Variants in ABCA13 observed in about 807,000 individuals in gnomAD.
ABCA13 encodes ATP-binding cassette sub-family A member 13.
A neutral mutation model predicts 478.7 loss-of-function variants in ABCA13; 476 were observed. That is an observed-to-expected ratio of 0.99 (90% CI 0.92 to 1.07). The LOEUF is 1.07. Ranked by LOEUF, ABCA13 falls within the 50% of genes least tolerant of loss-of-function variation. The probability of loss-of-function intolerance (pLI) is 0.00; values close to 1 mark genes in which losing one functional copy is unlikely to be tolerated. For synonymous variants in ABCA13, 2,252 were observed against 2,158.9 expected (o/e 1.04, Z -1.20); for missense variants, 6,060 against 5,910.6 (o/e 1.03, Z -0.83).
chr7:48,308,954 C>G (rs529591336), intron 23 of ABCA13, among the ~76,000 whole-genome samples: 2 of 144,928 alleles, frequency 1.4e-5, no homozygotes, highest in Non-Finnish European at 3.0e-5. Context: ...TAAGTGCACA[C>G]TATGATGTTC....
At chr7:48,623,644 T>C (rs1352453620) in intron 59 of ABCA13, among the ~76,000 whole-genome samples, 1 of 152,172 alleles carries the variant, frequency 6.6e-6, no homozygotes, top group African/African-American at 2.4e-5. Flanking sequence ...AATATATATA[T>C]GTTCTAGGCA....
chr7:48,233,872 G>A, intron 7 of ABCA13, 146 bp from the exon 8 acceptor site: 1 of 845,180 alleles, frequency 1.2e-6, no homozygotes, highest in Non-Finnish European at 1.8e-6. Flanking sequence ...TATTCTGTTT[G>A]CTTTTTCTAT....
At chr7:48,298,532 C>A (rs1272447195) in intron 23 of ABCA13, 45 bp downstream of exon 23, 3 of 1,589,376 alleles carry the variant, frequency 1.9e-6, no homozygotes, top group South Asian at 1.2e-5. Flanking sequence ...ATGGAAGGAG[C>A]CTTAGCCTGA....
chr7:48,510,142 C>A (rs1189744287), intron 50 of ABCA13, among the ~76,000 whole-genome samples: 1 of 151,320 alleles, frequency 6.6e-6, no homozygotes, highest in Admixed American at 6.6e-5. Context: ...AGCAGAAAAA[C>A]TAGTAAACAA....
chr7:48,379,540 C>T lies in ABCA13; in HGVS notation c.11335+2968C>T, dbSNP rs144588685. 1.7e-3 allele frequency among the ~76,000 whole-genome samples: 258 copies of T among 151,110 alleles called. 3 individuals are homozygous for T. The East Asian group carries it at 0.04, about 24-fold the overall frequency. On this transcript the variant is annotated intron_variant, in intron 35 of 61. Transcript: ENST00000435803. ...TCTCGGTGCTCAGGCATGAATGCAT[C>T]GGAACACAGAATGAGATATTCAGTT...
At chr7:48,557,393 G>T (rs1307521383) in intron 55 of ABCA13, among the ~76,000 whole-genome samples, 1 of 152,102 alleles carries the variant, frequency 6.6e-6, no homozygotes, top group Non-Finnish European at 1.5e-5. Flanking sequence ...TGTTATTGAT[G>T]AAATCATTCG....
chr7:48,259,730 T>G (rs76278731), intron 15 of ABCA13, among the ~76,000 whole-genome samples: 4 of 147,208 alleles, frequency 2.7e-5, no homozygotes, highest in Non-Finnish European at 6.0e-5. Flanking sequence ...GTTTTTTTTT[T>G]GTGGCGCCCA....
chr7:48,296,951 C>T (rs1306096426), intron 21 of ABCA13, among the ~76,000 whole-genome samples: 1 of 152,170 alleles, frequency 6.6e-6, no homozygotes, highest in Admixed American at 6.5e-5. Context: ...CTATTCTCTT[C>T]ACAGTTGTGA....
At chr7:48,611,807 T>A (rs1288982398) in intron 58 of ABCA13, 1 of 152,218 alleles carries the variant, frequency 6.6e-6, no homozygotes, top group Non-Finnish European at 1.5e-5. Context: ...GAACTATGTT[T>A]AAGAAACTAA....
At chr7:48,510,370 G>A (rs1831566564) in intron 50 of ABCA13, among the ~76,000 whole-genome samples, 1 of 152,184 alleles carries the variant, frequency 6.6e-6, no homozygotes, top group African/African-American at 2.4e-5. Flanking sequence ...AACCAGGCGT[G>A]TGAGAGCCTG....
At chr7:48,334,584 C>T (rs1805941294) in intron 27 of ABCA13, among the ~76,000 whole-genome samples, 1 of 152,246 alleles carries the variant, frequency 6.6e-6, no homozygotes, top group African/African-American at 2.4e-5. Flanking sequence ...AGCCACCCGC[C>T]TTGGCCTCCC....
At position 48,611,328 on chromosome 7, in the gene ABCA13, G is replaced by A. The variant is rs928322620; in HGVS notation, c.14745-3957G>A. ...CCCTTATTTTCCCATCTTCTCCTGA[G>A]CCCTCCAAACTGTTCCAACCTCTGC... On this transcript the variant is annotated intron_variant, in intron 58 of 61. Transcript: ENST00000435803. Among the ~76,000 whole-genome samples the A allele has an allele frequency of 7.2e-5, 11 of 152,238 alleles. No homozygotes were observed. The South Asian group carries it at 2.1e-3, about 29-fold the overall frequency.
chr7:48,294,447 GT>G (rs1321103452), intron 20 of ABCA13, among the ~76,000 whole-genome samples: 15 of 134,230 alleles, frequency 1.1e-4, no homozygotes, highest in Non-Finnish European at 1.6e-4. Context: ...TTTTTGTTTT[GT>G]TTTTTTTTTG....
At chr7:48,176,346 A>C (rs956138350) in intron 1 of ABCA13, among the ~76,000 whole-genome samples, 2 of 151,862 alleles carry the variant, frequency 1.3e-5, no homozygotes, top group African/African-American at 4.8e-5. Flanking sequence ...GTTTTAAAAA[A>C]CTCATGGTTC....
At chr7:48,524,146 T>C in intron 53 of ABCA13, 102 bp from the exon 54 acceptor site, 1 of 1,097,536 alleles carries the variant, frequency 9.1e-7, no homozygotes. Flanking sequence ...AGTCCGAAGG[T>C]GATATCTTCA....
chr7:48,192,939 T>TTC lies in ABCA13; in HGVS notation c.70-19_70-18insCT, dbSNP rs1376125314. 2.0e-6 allele frequency: 3 copies of TTC among 1,481,894 alleles called. No individual in the cohort carries two copies. The highest frequency in any genetic ancestry group is 2.7e-6 in the Non-Finnish European group (3 of 1,114,296). The allele number at this position is 1,481,894 out of a possible 1,614,324, so 91.8% of individuals were successfully genotyped here. On this transcript the variant is annotated intron_variant, in intron 1 of 61. Transcript: ENST00000435803. ...CTTACAATTTATTCAGGTGATTTTT[T>TTC]TTTTTTTTTAATTTTCTAGGTCCTT...
At chr7:48,422,055 C>CAAAAAAAAAAAAAAA (rs4022355) in intron 41 of ABCA13, among the ~76,000 whole-genome samples, 4 of 80,560 alleles carry the variant, frequency 5.0e-5, no homozygotes, top group South Asian at 5.3e-4. Context: ...GTCTTTCTTA[C>CAAAAAAAAAAAAAAA]AAAAAAAAAA....
chr7:48,362,142 T>C (rs1326321244), intron 31 of ABCA13, among the ~76,000 whole-genome samples: 1 of 151,996 alleles, frequency 6.6e-6, no homozygotes, highest in Non-Finnish European at 1.5e-5. Context: ...TCTGTGTTAT[T>C]TTTGTTATGT....
At chr7:48,215,195 C>A (rs1786262788) in intron 3 of ABCA13, among the ~76,000 whole-genome samples, 1 of 152,024 alleles carries the variant, frequency 6.6e-6, no homozygotes, top group African/African-American at 2.4e-5. Flanking sequence ...TTCACTCGAA[C>A]AATTAGAGGT....
Sources: gnomAD v4.1 joint callset for allele counts (sites outside exome capture counted in the v4.1 genomes callset) on GRCh38, gnomAD v4.1.1 for gene constraint, MANE v1.5 for transcripts, NCBI Gene and HGNC (gene_info 2026-07-23, HGNC 2026-07-21) for gene names.